The following LRMDA variants were observed in gnomAD, a reference collection of about 807,000 sequenced individuals.
LRMDA encodes leucine rich melanocyte differentiation associated, also known as leucine-rich melanocyte differentiation-associated protein.
In LRMDA, 18 loss-of-function variants were observed where a neutral mutation model predicts 29.8. That is an observed-to-expected ratio of 0.60 (90% CI 0.42 to 0.90). The LOEUF is 0.90. LRMDA is among the 40% of genes least tolerant of loss of function. The probability of loss-of-function intolerance (pLI) is 0.00; values close to 1 mark genes in which losing one functional copy is unlikely to be tolerated. For missense variants in LRMDA, 273 were observed against 273.9 expected (o/e 1.00, Z 0.02); for synonymous variants, 125 against 109.4 (o/e 1.14, Z -0.89).
chr10:75,623,499 A>G (rs1841213144), intron 2 of LRMDA, among the ~76,000 whole-genome samples: 4 of 152,218 alleles, frequency 2.6e-5, no homozygotes, highest in South Asian at 2.1e-4. Context: ...CTCAAGCCAC[A>G]GTGAATGGGC....
intron 2 of LRMDA, among the ~76,000 whole-genome samples, chr10:75,658,456 T>C (rs1230689904): frequency 6.6e-6 from 1 of 152,004 alleles, no homozygotes; most frequent in African/African-American, 2.4e-5. Context: ...GCAAAAGGTT[T>C]CTTTTTTTTT....
intron 2 of LRMDA, among the ~76,000 whole-genome samples, chr10:75,459,759 A>G (rs1441691991): frequency 2.0e-5 from 3 of 152,204 alleles, no homozygotes; most frequent in Non-Finnish European, 4.4e-5. Context: ...GGGAAGTCCA[A>G]GATCTAGGGG....
intron 5 of LRMDA, among the ~76,000 whole-genome samples, chr10:76,264,210 C>T (rs1017103064): frequency 6.6e-6 from 1 of 151,790 alleles, no homozygotes; most frequent in African/African-American, 2.4e-5. Context: ...ACCAGCCTGG[C>T]CAACATAGCA....
Position 75,953,254 on chromosome 10 carries a change from T to G in LRMDA, c.132-82754T>G, listed in dbSNP as rs1164506103. 5.3e-5 allele frequency among the ~76,000 whole-genome samples: 8 copies of G among 152,104 alleles called. No individual in the cohort carries two copies. In the South Asian group the frequency reaches 1.5e-3, roughly 28 times the overall value. On this transcript the variant is annotated intron_variant, in intron 2 of 6. Transcript: ENST00000611255. ...TGCCCAGCTAATCGGTTTTTAAAAT[T>G]TTTTATAGAGATAGCGGTCTCACTA...
chr10:76,406,905 G>C (rs77179995), intron 6 of LRMDA, among the ~76,000 whole-genome samples: 288 of 152,284 alleles, frequency 1.9e-3, no homozygotes, highest in African/African-American at 6.6e-3. Flanking sequence ...ACTCAGAAAG[G>C]CTGGAATAAT....
chr10:75,537,896 A>G (rs1839971460), intron 2 of LRMDA, among the ~76,000 whole-genome samples: 1 of 152,078 alleles, frequency 6.6e-6, no homozygotes, highest in Non-Finnish European at 1.5e-5. Flanking sequence ...TCTGTCCTCC[A>G]TCAAGTCCCA....
At chr10:76,324,258 AACAG>A (rs1275078486) in intron 5 of LRMDA, 139 bp from the exon 6 acceptor site, 2 of 762,142 alleles carry the variant, frequency 2.6e-6, no homozygotes, top group African/African-American at 3.5e-5. Context: ...TCTCAACAAA[AACAG>A]CTCTTGCTTC....
At chr10:76,360,194 G>A (rs2132443082) in intron 6 of LRMDA, among the ~76,000 whole-genome samples, 1 of 152,068 alleles carries the variant, frequency 6.6e-6, no homozygotes, top group Non-Finnish European at 1.5e-5. Context: ...CTCCATGTTG[G>A]TCAGGCTGGT....
intron 6 of LRMDA, among the ~76,000 whole-genome samples, chr10:76,397,995 C>G (rs1589165701): frequency 6.6e-6 from 1 of 152,164 alleles, no homozygotes; most frequent in East Asian, 1.9e-4. Flanking sequence ...ATATATTATG[C>G]CCTGCAGGTC....
chr10:75,883,995 G>A (rs1490820705), intron 2 of LRMDA, among the ~76,000 whole-genome samples: 1 of 151,876 alleles, frequency 6.6e-6, no homozygotes, highest in Non-Finnish European at 1.5e-5. Context: ...GAGGCATAAG[G>A]AGGGGTTTTG....
intron 6 of LRMDA, among the ~76,000 whole-genome samples, chr10:76,376,778 G>A (rs1434621988): frequency 1.4e-5 from 2 of 147,572 alleles, no homozygotes; most frequent in Admixed American, 6.8e-5. Context: ...GGTATATGAT[G>A]GCATCTCATT....
At chr10:75,534,589 G>A (rs1453440188) in intron 2 of LRMDA, among the ~76,000 whole-genome samples, 1 of 152,206 alleles carries the variant, frequency 6.6e-6, no homozygotes, top group African/African-American at 2.4e-5. Flanking sequence ...TTTCCAAAAT[G>A]TTCTTGGCAG....
rs115443381 is a variant in LRMDA, at chr10:76,295,562, C to T, written c.517-28839C>T. ...TGAGCTTTCATGGACACTGCTGCCG[C>T]CACCTCTTTGGGTGTGCCCTCTGCT... On this transcript the variant is annotated intron_variant, in intron 5 of 6. Coordinates refer to ENST00000611255, the MANE Select transcript of LRMDA (RefSeq NM_001305581.2). 4.2e-3 allele frequency among the ~76,000 whole-genome samples: 635 copies of T among 152,322 alleles called. 2 individuals carry two copies. Among genetic ancestry groups the T allele is most frequent in the African/African-American group, 0.014 (602 of 41,576 alleles).
At chr10:76,170,128 G>A (rs1163708556) in intron 5 of LRMDA, among the ~76,000 whole-genome samples, 1 of 152,180 alleles carries the variant, frequency 6.6e-6, no homozygotes, top group African/African-American at 2.4e-5. Flanking sequence ...TTGCTGTACA[G>A]AATTCAGGAG....
intron 2 of LRMDA, among the ~76,000 whole-genome samples, chr10:75,578,227 A>AAAAAAAAAGC (rs1840534982): frequency 7.0e-6 from 1 of 142,974 alleles, no homozygotes; most frequent in South Asian, 2.3e-4. Context: ...AAAAAAAAAA[A>AAAAAAAAAGC]AAAAAAAAAA....
chr10:76,025,078 G>C (rs1021857602), intron 2 of LRMDA, among the ~76,000 whole-genome samples: 3 of 151,964 alleles, frequency 2.0e-5, no homozygotes, highest in African/African-American at 7.3e-5. Flanking sequence ...AAACAAACAA[G>C]ATCCCGAGGC....
At chr10:75,965,855 A>G (rs955007266) in intron 2 of LRMDA, among the ~76,000 whole-genome samples, 1 of 152,206 alleles carries the variant, frequency 6.6e-6, no homozygotes, top group Non-Finnish European at 1.5e-5. Flanking sequence ...ATCATCTGTC[A>G]TCCCTGGCTC....
At chr10:75,631,361 T>C (rs1306324214) in intron 2 of LRMDA, among the ~76,000 whole-genome samples, 1 of 151,958 alleles carries the variant, frequency 6.6e-6, no homozygotes, top group Non-Finnish European at 1.5e-5. Context: ...CAGTTTCTGC[T>C]CATGACTCCC....
At chr10:76,279,476 G>A (rs1035247489) in intron 5 of LRMDA, among the ~76,000 whole-genome samples, 5 of 151,130 alleles carry the variant, frequency 3.3e-5, no homozygotes, top group African/African-American at 4.9e-5. Flanking sequence ...ATAAGAATAT[G>A]AGATTTACTA....
Sources: allele counts gnomAD v4.1 joint callset (sites outside exome capture counted in the v4.1 genomes callset), GRCh38; gene constraint gnomAD v4.1.1; transcripts MANE v1.5; gene names NCBI Gene and HGNC (gene_info 2026-07-23, HGNC 2026-07-21).